The following SLC5A1 variants were observed in gnomAD, a reference collection of about 807,000 sequenced individuals.
SLC5A1 encodes the protein sodium/glucose cotransporter 1.
A neutral mutation model predicts 73.5 loss-of-function variants in SLC5A1; 42 were observed. The ratio of observed to expected loss-of-function variants is 0.57; its 90% CI spans 0.45 to 0.74. SLC5A1 has a LOEUF of 0.74. Ranked by LOEUF, SLC5A1 falls within the 30% of genes least tolerant of loss-of-function variation. SLC5A1 has a pLI of 0.00. For synonymous variants in SLC5A1, 300 were observed against 317.4 expected, an observed-to-expected ratio of 0.95 and a Z score of 0.58; for missense variants, 634 against 855.4, an observed-to-expected ratio of 0.74 and a Z score of 3.23.
At chr22:32,066,722 C>G (rs2093973925) in intron 2 of SLC5A1, among the ~76,000 whole-genome samples, 2 of 152,238 alleles carry the variant, frequency 1.3e-5, no homozygotes, top group Non-Finnish European at 2.9e-5. Context: ...TGCTCCTTCT[C>G]CAATCCTCTC....
rs2094037695 is a variant in SLC5A1, at chr22:32,102,191, C to T, written c.1619C>T (p.Thr540Ile). 1.2e-6 allele frequency: 2 copies of T among 1,614,072 alleles called. No homozygotes were observed. Among genetic ancestry groups the T allele is most frequent in the Admixed American group, 1.7e-5 (1 of 60,018 alleles). ...ATCCTCTTCGCCATTTCTTTCATCA[C>T]CATCGTGGTCATCTCCCTCCTCACC... is the stretch of plus-strand genomic sequence containing the variant. Reference protein sequence around the residue: ...AIILFAISFITIVVISLLTKP... With the variant: ...AIILFAISFIIIVVISLLTKP... Residue 540 changes from threonine to isoleucine, a missense_variant, in exon 13 of 15, where the codon ACC (threonine) becomes ATC (isoleucine). Thr to Ile is a moderately conservative substitution (Grantham distance 89, BLOSUM62 -1). Transcript: ENST00000266088.
chr22:32,059,822 G>C (rs1238937237), intron 2 of SLC5A1, among the ~76,000 whole-genome samples: 1 of 152,088 alleles, frequency 6.6e-6, no homozygotes, highest in Non-Finnish European at 1.5e-5. Flanking sequence ...TGGATTTCCA[G>C]TCGAAATATC....
intron 1 of SLC5A1, among the ~76,000 whole-genome samples, chr22:32,045,021 A>T (rs2093935310): frequency 6.6e-6 from 1 of 152,190 alleles, no homozygotes; most frequent in Admixed American, 6.5e-5. Flanking sequence ...TTGAAGCCTC[A>T]TGTGGTTGTG....
chr22:32,071,030 T>G (rs1285064818), intron 5 of SLC5A1, among the ~76,000 whole-genome samples: 1 of 152,218 alleles, frequency 6.6e-6, no homozygotes, highest in Non-Finnish European at 1.5e-5. Flanking sequence ...GGGGCAAATG[T>G]CATAAAAGCT....
In SLC5A1 at chr22:32,086,302, C is replaced by T; in HGVS notation, c.1104C>T (p.Thr368=). 6.2e-7 allele frequency: 1 copy of T among 1,612,964 alleles called. No homozygotes were observed. Among genetic ancestry groups the T allele is most frequent in the Middle Eastern group, 1.7e-4 (1 of 6,060 alleles). ...GCTGTACCAACATCGCCTATCCAAC[C>T]TTAGTGGTGGAGCTCATGCCCAATG... is the stretch of plus-strand genomic sequence containing the variant. ...KVGCTNIAYP[T]LVVELMPNGL... The change falls in exon 10 of 15, where the codon ACC becomes ACT. Residue 368 remains threonine (T), a synonymous_variant. Transcript: ENST00000266088.
rs13057765 is a variant in SLC5A1, at chr22:32,066,581, C to T, written c.208-354C>T. On this transcript the variant is annotated intron_variant, in intron 2 of 14. Coordinates refer to ENST00000266088, the MANE Select transcript of SLC5A1 (RefSeq NM_000343.4). ...GATATGGAGATCAAGGGCTCATGCT[C>T]CTAGGCACACAGCCTTGAAGGAGAT... Among the ~76,000 whole-genome samples the T allele has an allele frequency of 5.8e-3, 879 of 152,320 alleles. 11 individuals carry two copies. The highest frequency in any genetic ancestry group is 9.2e-3 in the Admixed American group (140 of 15,296).
At chr22:32,077,428 C>A (rs2093992883) in intron 5 of SLC5A1, among the ~76,000 whole-genome samples, 1 of 151,642 alleles carries the variant, frequency 6.6e-6, no homozygotes, top group Non-Finnish European at 1.5e-5. Flanking sequence ...TCCATCCTTC[C>A]CCCTACTCTC....
chr22:32,107,172 G>GGGCA (rs2094047715), intron 14 of SLC5A1, among the ~76,000 whole-genome samples: 1 of 152,090 alleles, frequency 6.6e-6, no homozygotes, highest in Non-Finnish European at 1.5e-5. Flanking sequence ...TGCCTCCCTG[G>GGGCA]GGCAGGCAGG....
rs2094059372 is a variant in SLC5A1 at position 32,112,649 on chromosome 22, A to G, written c.*2436A>G. On this transcript the variant is annotated 3_prime_UTR_variant, in exon 15 of 15. Transcript: ENST00000266088. ...CAGGCCTTGCCCCAGAAAGACAAAT[A>G]CCACATGATCTCACTGATATGTAGA... The G allele has an allele frequency of 6.6e-6, 1 of 152,188 alleles. No homozygotes were observed. Among genetic ancestry groups the G allele is most frequent in the South Asian group, 2.1e-4 (1 of 4,830 alleles). The allele number at this position is 152,188 out of a possible 1,614,324, so 9.4% of individuals were successfully genotyped here.
At position 32,067,987 on chromosome 22, in the gene SLC5A1, G is replaced by A. The variant is rs2093976769; in HGVS notation, c.333G>A (p.Val111=). The A allele has an allele frequency of 6.2e-7, 1 of 1,614,154 alleles. No homozygotes were observed. Among genetic ancestry groups the A allele is most frequent in the East Asian group, 2.2e-5 (1 of 44,886 alleles). Residue 111 remains valine, a synonymous_variant, in exon 4 of 15, where the codon GTG becomes GTA. Coordinates refer to ENST00000266088, the MANE Select transcript of SLC5A1 (RefSeq NM_000343.4). ...TTCAGGCCCTGGTTTTGGTGGTTGTGCTGGGCTGGCTGTTTGTCCCCATCT... is the reference window on the plus strand; with the variant it reads ...TTCAGGCCCTGGTTTTGGTGGTTGTACTGGGCTGGCTGTTTGTCCCCATCT... ...FEWNALVLVV[V]LGWLFVPIYI... is the part of the protein sequence containing the mutation.
chr22:32,090,494 A>G (rs1326263856), intron 10 of SLC5A1, among the ~76,000 whole-genome samples: 2 of 152,124 alleles, frequency 1.3e-5, no homozygotes, highest in Non-Finnish European at 2.9e-5. Context: ...ATTCCTTTTT[A>G]TTGATGAATA....
intron 14 of SLC5A1, among the ~76,000 whole-genome samples, chr22:32,106,345 A>G (rs1415641822): frequency 1.3e-5 from 2 of 152,196 alleles, no homozygotes; most frequent in Non-Finnish European, 2.9e-5. Context: ...TGTGCCTATT[A>G]GCCATTTATA....
chr22:32,048,170 AG>A (rs2093939673), intron 1 of SLC5A1, among the ~76,000 whole-genome samples: 1 of 150,200 alleles, frequency 6.7e-6, no homozygotes, highest in African/African-American at 2.5e-5. Flanking sequence ...AAAAAAAAAA[AG>A]GTGCCACCTC....
At chr22:32,107,680 C>T (rs925103525) in intron 14 of SLC5A1, among the ~76,000 whole-genome samples, 2 of 152,130 alleles carry the variant, frequency 1.3e-5, no homozygotes, top group African/African-American at 2.4e-5. Flanking sequence ...AGGGAACTTC[C>T]GTACTGGCTA....
intron 2 of SLC5A1, among the ~76,000 whole-genome samples, chr22:32,057,464 C>T (rs1213651561): frequency 2.0e-5 from 3 of 152,098 alleles, no homozygotes; most frequent in South Asian, 2.1e-4. Flanking sequence ...TGGGGTCTCA[C>T]TATGTTGCCC....
intron 6 of SLC5A1, 83 bp downstream of exon 6, chr22:32,082,054 G>A (rs2094000872): frequency 4.4e-6 from 4 of 915,980 alleles, no homozygotes; most frequent in South Asian, 1.3e-5. Flanking sequence ...TAGGAGAGGT[G>A]GTTTCTCTTC....
intron 1 of SLC5A1, among the ~76,000 whole-genome samples, chr22:32,044,486 A>G (rs1444933158): frequency 6.6e-6 from 1 of 151,490 alleles, no homozygotes; most frequent in Non-Finnish European, 1.5e-5. Flanking sequence ...TTCTGTGGAC[A>G]CAGAGCTTTT....
chr22:32,092,321 A>G (rs2094019341), intron 11 of SLC5A1, among the ~76,000 whole-genome samples: 1 of 152,198 alleles, frequency 6.6e-6, no homozygotes, highest in Non-Finnish European at 1.5e-5. Context: ...ATGTATATAT[A>G]CACCATAATT....
In SLC5A1 at chr22:32,060,199, A is replaced by ATTT. The variant is rs200047863; in HGVS notation, c.208-6731_208-6729dup. ...CACACACACACACATATATATATAT[A>ATTT]TTTTTTTAAGAGATGGAACTTTGCT... On this transcript the variant is annotated intron_variant, in intron 2 of 14. Transcript: ENST00000266088. Among the ~76,000 whole-genome samples the ATTT allele has an allele frequency of 2.3e-3, 313 of 136,654 alleles. 1 individual carries two copies. Among genetic ancestry groups the ATTT allele is most frequent in the Non-Finnish European group, 4.2e-3 (264 of 63,598 alleles). The allele number at this position is 136,654 out of a possible 152,430, so 89.7% of individuals were successfully genotyped here.
Sources: gnomAD v4.1 joint callset for allele counts (sites outside exome capture counted in the v4.1 genomes callset) on GRCh38, gnomAD v4.1.1 for gene constraint, MANE v1.5 for transcripts, NCBI Gene and HGNC (gene_info 2026-07-23, HGNC 2026-07-21) for gene names.